The following DDX10 variants were observed in gnomAD, a reference collection of about 807,000 sequenced individuals.
DDX10 encodes DEAD-box helicase 10.
In DDX10, 74 loss-of-function variants were observed where a neutral mutation model predicts 104.3. The observed-to-expected ratio is 0.71, with a 90% CI of 0.59 to 0.86. The LOEUF is 0.86. DDX10 is among the 40% of genes least tolerant of loss of function. The pLI, the probability that DDX10 is intolerant of heterozygous loss-of-function variation, is 0.00. For missense variants in DDX10, 952 were observed against 1,040.0 expected (o/e 0.92, Z 1.16); for synonymous variants, 351 against 353.4 (o/e 0.99, Z 0.08).
chr11:108,734,517 G>A (rs2094316132), intron 13 of DDX10, among the ~76,000 whole-genome samples: 1 of 152,084 alleles, frequency 6.6e-6, no homozygotes, highest in Admixed American at 6.6e-5. Flanking sequence ...ACTTCCTGAG[G>A]ATGTAAATTT....
intron 1 of DDX10, among the ~76,000 whole-genome samples, chr11:108,668,918 T>G (rs907633459): frequency 6.6e-6 from 1 of 152,114 alleles, no homozygotes; most frequent in East Asian, 1.9e-4. Context: ...TCAGATGCAT[T>G]ACAAAAAACA....
At chr11:108,707,671 G>C (rs1256796962) in intron 10 of DDX10, among the ~76,000 whole-genome samples, 1 of 152,144 alleles carries the variant, frequency 6.6e-6, no homozygotes, top group Non-Finnish European at 1.5e-5. Flanking sequence ...GGAGAATAAG[G>C]TGCTATATAA....
At chr11:108,821,143 A>G (rs1282830128) in intron 13 of DDX10, among the ~76,000 whole-genome samples, 2 of 152,206 alleles carry the variant, frequency 1.3e-5, no homozygotes, top group African/African-American at 4.8e-5. Context: ...TAAAACTACA[A>G]GTAGAGTGTA....
intron 16 of DDX10, among the ~76,000 whole-genome samples, chr11:108,884,487 A>G (rs987424396): frequency 1.3e-5 from 2 of 151,936 alleles, no homozygotes; most frequent in African/African-American, 2.4e-5. Flanking sequence ...CCTACCAATT[A>G]CCTGCTAATT....
chr11:108,865,674 G>A (rs575442910), intron 16 of DDX10, among the ~76,000 whole-genome samples: 89 of 152,152 alleles, frequency 5.8e-4, no homozygotes, highest in Non-Finnish European at 1.1e-3. Flanking sequence ...AGGAGAGTGT[G>A]GGGGATGCAG....
At chr11:108,766,349 A>G (rs1317966980) in intron 13 of DDX10, among the ~76,000 whole-genome samples, 1 of 152,170 alleles carries the variant, frequency 6.6e-6, no homozygotes, top group Non-Finnish European at 1.5e-5. Flanking sequence ...AATTGTCATC[A>G]TGAGAATAAG....
intron 16 of DDX10, among the ~76,000 whole-genome samples, chr11:108,862,523 A>C (rs906617035): frequency 3.3e-5 from 5 of 152,264 alleles, no homozygotes; most frequent in Admixed American, 6.5e-5. Flanking sequence ...TATGTTATTC[A>C]AATACACATT....
intron 17 of DDX10, among the ~76,000 whole-genome samples, chr11:108,930,055 G>T (rs1295369114): frequency 6.6e-6 from 1 of 152,134 alleles, no homozygotes; most frequent in African/African-American, 2.4e-5. Flanking sequence ...TTTCGGCATT[G>T]TATATCTTAT....
At chr11:108,930,399 A>G (rs1863961470) in intron 17 of DDX10, among the ~76,000 whole-genome samples, 1 of 152,218 alleles carries the variant, frequency 6.6e-6, no homozygotes, top group Non-Finnish European at 1.5e-5. Flanking sequence ...CATCTATTGA[A>G]AGACATCTTG....
At chr11:108,723,528 TG>T in intron 13 of DDX10, 66 bp downstream of exon 13, 3 of 1,474,232 alleles carry the variant, frequency 2.0e-6, no homozygotes, top group Non-Finnish European at 2.7e-6. Context: ...TGTTGCCTTT[TG>T]GGGACTGAGA....
rs576170304 is a variant in DDX10 at position 108,701,358 on chromosome 11, G to A, written c.1224-5381G>A. Among the ~76,000 whole-genome samples, 4 of 152,188 alleles carry A rather than the reference G, an allele frequency of 2.6e-5. No homozygotes were observed. The South Asian group carries it at 6.2e-4, about 24-fold the overall frequency. On this transcript the variant is annotated intron_variant, in intron 9 of 17. Transcript: ENST00000322536. ...TTGTCATAGGTAAGGCTGAGGTATA[G>A]GGAGAATAGAAGGAGATACAGGGCG...
intron 13 of DDX10, among the ~76,000 whole-genome samples, chr11:108,763,014 A>G (rs1037717809): frequency 2.6e-5 from 4 of 152,332 alleles, no homozygotes; most frequent in East Asian, 1.9e-4. Context: ...AAGTGATGGT[A>G]GAACATATAG....
At chr11:108,688,435 G>T (rs890712277) in intron 6 of DDX10, among the ~76,000 whole-genome samples, 1 of 152,100 alleles carries the variant, frequency 6.6e-6, no homozygotes, top group African/African-American at 2.4e-5. Context: ...GGATTTCAGG[G>T]TAAATTGCAG....
rs559144208 is a variant in DDX10 at position 108,735,891 on chromosome 11, G to C, written c.1965+12429G>C. On this transcript the variant is annotated intron_variant, in intron 13 of 17. Transcript: ENST00000322536. ...AGTGGCACTTCAGTAAATTAAGTGG[G>C]AACAGGGATGTCTGCATATTAAGAA... 3.2e-4 allele frequency among the ~76,000 whole-genome samples: 49 copies of C among 152,202 alleles called. No homozygotes were observed. In the South Asian group the frequency reaches 6.0e-3, roughly 19 times the overall value.
In DDX10 at chr11:108,923,720, C is replaced by T. The variant is rs374686723; in HGVS notation, c.2450+5702C>T. On this transcript the variant is annotated intron_variant, in intron 17 of 17. Transcript: ENST00000322536. Reference sequence around the variant, plus strand: ...GCTGTGGTTTGTGCACTTGGGGAGGCGATGGTGAGTGGAGTAGGTAGGGAA... The same window carrying T: ...GCTGTGGTTTGTGCACTTGGGGAGGTGATGGTGAGTGGAGTAGGTAGGGAA... Among the ~76,000 whole-genome samples the T allele has an allele frequency of 2.8e-4, 42 of 152,222 alleles. No individual in the cohort carries two copies. The East Asian group carries it at 3.5e-3, about 13-fold the overall frequency.
intron 6 of DDX10, among the ~76,000 whole-genome samples, chr11:108,680,530 T>C (rs2094233415): frequency 6.6e-6 from 1 of 152,230 alleles, no homozygotes; most frequent in Non-Finnish European, 1.5e-5. Context: ...GGATATGTTT[T>C]AAGTTGTATT....
At chr11:108,742,788 G>C (rs1381392705) in intron 13 of DDX10, among the ~76,000 whole-genome samples, 2 of 152,106 alleles carry the variant, frequency 1.3e-5, no homozygotes, top group African/African-American at 4.8e-5. Flanking sequence ...GGAAAACCTA[G>C]AAGAAATGGA....
At chr11:108,927,913 A>T (rs1863928750) in intron 17 of DDX10, among the ~76,000 whole-genome samples, 1 of 152,196 alleles carries the variant, frequency 6.6e-6, no homozygotes, top group South Asian at 2.1e-4. Flanking sequence ...TGCAGGGATT[A>T]TAGGCGTGAG....
At chr11:108,706,221 C>T (rs1049062553) in intron 9 of DDX10, among the ~76,000 whole-genome samples, 10 of 152,178 alleles carry the variant, frequency 6.6e-5, no homozygotes, top group Non-Finnish European at 8.8e-5. Flanking sequence ...ATTCACCCGC[C>T]TCGGCCTCCC....
Sources: gnomAD v4.1 joint callset for allele counts (sites outside exome capture counted in the v4.1 genomes callset) on GRCh38, gnomAD v4.1.1 for gene constraint, MANE v1.5 for transcripts, NCBI Gene and HGNC (gene_info 2026-07-23, HGNC 2026-07-21) for gene names.